COX7A2L: variants seen among roughly 807,000 people sequenced by gnomAD.
COX7A2L encodes the protein cytochrome c oxidase subunit 7A2-like, mitochondrial.
In COX7A2L, 18 loss-of-function variants were observed where a neutral mutation model predicts 14.2. The ratio of observed to expected loss-of-function variants is 1.27; its 90% CI spans 0.88 to 1.88. The LOEUF (loss-of-function observed/expected upper bound fraction) is 1.88, where lower values mean the gene tolerates loss of function less well. Ranked by LOEUF, COX7A2L falls within the 40% of genes most tolerant of loss-of-function variation. The pLI is 0.00. For missense variants in COX7A2L, 179 were observed against 138.8 expected (o/e 1.29, Z -1.46); for synonymous variants, 65 against 57.4 (o/e 1.13, Z -0.60).
intron 1 of COX7A2L, among the ~76,000 whole-genome samples, chr2:42,358,850 A>G (rs1670916691): frequency 6.6e-6 from 1 of 152,112 alleles, no homozygotes; most frequent in African/African-American, 2.4e-5. Context: ...AAGAACATAA[A>G]CCAAGTGTGG....
chr2:42,364,419 A>C (rs1050196218), upstream of COX7A2L, among the ~76,000 whole-genome samples: 2 of 152,126 alleles, frequency 1.3e-5, no homozygotes, highest in Non-Finnish European at 2.9e-5. Context: ...GTTATAGTGA[A>C]GTGTTACCTT....
upstream of COX7A2L, chr2:42,361,633 A>C (rs1225054299): frequency 6.5e-6 from 1 of 154,084 alleles, no homozygotes; most frequent in Non-Finnish European, 1.5e-5. Flanking sequence ...GCTACATCGA[A>C]GCCGGTTGGG....
At chr2:42,359,689 C>G (rs926590111) in intron 1 of COX7A2L, 8 of 152,078 alleles carry the variant, frequency 5.3e-5, no homozygotes, top group African/African-American at 1.9e-4. Context: ...AACCTTTCTT[C>G]CCTACAAATT....
Position 42,351,092 on chromosome 2 carries a change from A to G in COX7A2L, c.*127T>C, listed in dbSNP as rs1572790625. On this transcript the variant is annotated 3_prime_UTR_variant, in exon 3 of 3. Transcript: ENST00000234301. ...ATAAACAAACCAAAACATCATCTTC[A>G]TATCTTCCTATTTTTCTTGCAAAAA... 2.9e-6 allele frequency: 3 copies of G among 1,045,792 alleles called. No homozygotes were observed. The highest frequency in any genetic ancestry group is 2.0e-5 in the South Asian group (1 of 50,740). The allele number at this position is 1,045,792 out of a possible 1,614,324, so 64.8% of individuals were successfully genotyped here.
At chr2:42,367,503 G>T (rs1432121065) in intron 1 of COX7A2L, among the ~76,000 whole-genome samples, 1 of 152,152 alleles carries the variant, frequency 6.6e-6, no homozygotes, top group Non-Finnish European at 1.5e-5. Flanking sequence ...AAGCTAGGAG[G>T]AAGTTATCAA....
chr2:42,347,884 G>A (rs1670529981), downstream of COX7A2L, among the ~76,000 whole-genome samples: 1 of 152,160 alleles, frequency 6.6e-6, no homozygotes, highest in Non-Finnish European at 1.5e-5. Context: ...TGGCGCCATT[G>A]CACTCCAGCC....
In COX7A2L at chr2:42,349,848, C is replaced by T. The variant is rs971509156; in HGVS notation, c.*1371G>A. On this transcript the variant is annotated 3_prime_UTR_variant, in exon 3 of 3. Transcript: ENST00000234301. ...AATTCCCTAACAATCTTAAATGACT[C>T]AACAAAAAACAGATCTATGTGTGTG... is the stretch of plus-strand genomic sequence containing the variant. 1 of 152,044 alleles carries T rather than the reference C, an allele frequency of 6.6e-6. No individual in the cohort carries two copies. Among genetic ancestry groups the T allele is most frequent in the South Asian group, 2.1e-4 (1 of 4,826 alleles). The allele number at this position is 152,044 out of a possible 1,614,324, so 9.4% of individuals were successfully genotyped here. A position where few individuals can be genotyped will look rare whatever the true frequency, so the allele number is the denominator to read the frequency against.
intron 1 of COX7A2L, among the ~76,000 whole-genome samples, chr2:42,358,712 A>G (rs547348995): frequency 2.6e-5 from 4 of 152,376 alleles, no homozygotes; most frequent in African/African-American, 4.8e-5. Flanking sequence ...AGCCCTATCT[A>G]TATCAAACTC....
intron 1 of COX7A2L, among the ~76,000 whole-genome samples, chr2:42,354,637 G>T (rs925900149): frequency 7.2e-5 from 11 of 152,130 alleles, no homozygotes; most frequent in Non-Finnish European, 1.3e-4. Flanking sequence ...AGCACTAGAT[G>T]AACAGGTCAA....
In COX7A2L at chr2:42,351,036, C is replaced by G. The variant is rs1031377588; in HGVS notation, c.*183G>C. Reference sequence around the variant, plus strand: ...TTCTTTAAACAATGGCTTTAACTGTCGAATGAGCTCTGACAAGCCATATGC... The same window carrying G: ...TTCTTTAAACAATGGCTTTAACTGTGGAATGAGCTCTGACAAGCCATATGC... On this transcript the variant is annotated 3_prime_UTR_variant, in exon 3 of 3. Coordinates refer to ENST00000234301, the MANE Select transcript of COX7A2L (RefSeq NM_004718.4). 1.0e-5 allele frequency: 6 copies of G among 595,404 alleles called. No individual in the cohort carries two copies. The highest frequency in any genetic ancestry group is 1.7e-5 in the Non-Finnish European group (6 of 358,240). 36.9% of individuals were successfully genotyped at this position (595,404 alleles called of 1,614,324 possible).
At chr2:42,335,732 G>A (rs1040550414) in intron 2 of COX7A2L, among the ~76,000 whole-genome samples, 6 of 152,250 alleles carry the variant, frequency 3.9e-5, no homozygotes, top group South Asian at 2.1e-4. Flanking sequence ...CTCGCTTGCT[G>A]TAGGTTATAT....
chr2:42,341,455 C>T (rs1670403262), intron 2 of COX7A2L, among the ~76,000 whole-genome samples: 1 of 152,212 alleles, frequency 6.6e-6, no homozygotes, highest in African/African-American at 2.4e-5. Flanking sequence ...CTTAAACACT[C>T]CTTAACTTCC....
chr2:42,358,685 G>A (rs1288259532), intron 1 of COX7A2L, among the ~76,000 whole-genome samples: 2 of 152,194 alleles, frequency 1.3e-5, no homozygotes, highest in Non-Finnish European at 2.9e-5. Flanking sequence ...CACGAGGAGA[G>A]GTACTAGAAA....
Position 42,350,061 on chromosome 2 carries a change from C to CAGAG in COX7A2L, c.*1154_*1157dup, listed in dbSNP as rs575855294. ...TACCAGAGAATAAAATTTAGATTTG[C>CAGAG]AGAGAGAGAGAGAGAGAGATATCAC... On this transcript the variant is annotated 3_prime_UTR_variant, in exon 3 of 3. Coordinates refer to ENST00000234301, the MANE Select transcript of COX7A2L (RefSeq NM_004718.4). 6 of 132,344 alleles carry CAGAG rather than the reference C, an allele frequency of 4.5e-5. No individual in the cohort carries two copies. Among genetic ancestry groups the CAGAG allele is most frequent in the African/African-American group, 8.6e-5 (3 of 34,820 alleles). 8.2% of individuals were successfully genotyped at this position (132,344 alleles called of 1,614,324 possible). A position where few individuals can be genotyped will look rare whatever the true frequency, so the allele number is the denominator to read the frequency against.
chr2:42,352,326 C>A (rs1342747143), intron 2 of COX7A2L, among the ~76,000 whole-genome samples: 1 of 152,086 alleles, frequency 6.6e-6, no homozygotes, highest in Non-Finnish European at 1.5e-5. Context: ...CGTGCCTATA[C>A]ACTCAGCTAA....
In COX7A2L at chr2:42,353,349, G is replaced by A. The variant is rs762637743; in HGVS notation, c.73-6C>T. 4.3e-6 allele frequency: 7 copies of A among 1,611,098 alleles called. No homozygotes were observed. In the East Asian group the frequency reaches 1.6e-4, roughly 36 times the overall value. On this transcript the variant is annotated splice_polypyrimidine_tract_variant and splice_region_variant and intron_variant, in intron 1 of 2. Coordinates refer to ENST00000234301, the MANE Select transcript of COX7A2L (RefSeq NM_004718.4). ...GAAACCACAGGCTTTAATCCCTGTA[G>A]AGAAAAAAAGGAAAATGGCAAGTTG...
upstream of COX7A2L, among the ~76,000 whole-genome samples, chr2:42,364,666 G>C (rs553797401): frequency 2.6e-5 from 4 of 152,160 alleles, no homozygotes; most frequent in Non-Finnish European, 4.4e-5. Context: ...CCTATCTGGT[G>C]TGGAAATTTT....
chr2:42,368,001 G>A (rs1671200804), intron 1 of COX7A2L, among the ~76,000 whole-genome samples: 1 of 152,196 alleles, frequency 6.6e-6, no homozygotes, highest in Non-Finnish European at 1.5e-5. Flanking sequence ...AAATCAAGGT[G>A]TTTGTGTTTT....
chr2:42,347,714 G>A (rs1301624181), downstream of COX7A2L, among the ~76,000 whole-genome samples: 1 of 152,154 alleles, frequency 6.6e-6, no homozygotes. Context: ...CTGAGGTCAG[G>A]AGTTCAAGAC....
Sources: gnomAD v4.1 joint callset for allele counts (sites outside exome capture counted in the v4.1 genomes callset) on GRCh38, gnomAD v4.1.1 for gene constraint, MANE v1.5 for transcripts, NCBI Gene and HGNC (gene_info 2026-07-23, HGNC 2026-07-21) for gene names.